The following MAPK4 variants were observed in gnomAD, a reference collection of about 807,000 sequenced individuals.
MAPK4 encodes Erk3-related.
A neutral mutation model predicts 47.7 loss-of-function variants in MAPK4; 22 were observed. The ratio of observed to expected loss-of-function variants is 0.46; its 90% CI spans 0.33 to 0.66. The LOEUF (loss-of-function observed/expected upper bound fraction) is 0.66. Among genes scored for constraint, MAPK4 ranks in the 30% least tolerant of loss-of-function variants. The pLI, the probability that MAPK4 is intolerant of heterozygous loss-of-function variation, is 0.02. For missense variants in MAPK4, 736 were observed against 831.7 expected (o/e 0.88, Z 1.42); for synonymous variants, 390 against 365.7 (o/e 1.07, Z -0.76).
rs780978439 is a variant in MAPK4, at chr18:50,726,191, G to A, written c.1067+16G>A. ...GCAGTTCCAGGTGCTCGCAGCCCTG[G>A]GTTCCAGAGCCCACATTTCCCTGTC... is the stretch of plus-strand genomic sequence containing the variant. On this transcript the variant is annotated intron_variant, in intron 5 of 5. Coordinates refer to ENST00000400384, the MANE Select transcript of MAPK4 (RefSeq NM_002747.4). The A allele has an allele frequency of 1.9e-6, 3 of 1,612,528 alleles. No individual in the cohort carries two copies. The African/African-American group carries it at 4.0e-5, about 21-fold the overall frequency.
At chr18:50,722,210 G>T in intron 4 of MAPK4, 111 bp downstream of exon 4, 1 of 1,233,110 alleles carries the variant, frequency 8.1e-7, no homozygotes, top group Non-Finnish European at 1.1e-6. Flanking sequence ...CATGGTCCTT[G>T]GATATAAAAG....
intron 2 of MAPK4, chr18:50,705,819 C>T (rs1406741885): frequency 6.6e-6 from 1 of 152,266 alleles, no homozygotes; most frequent in African/African-American, 2.4e-5. Context: ...CCACCCACCC[C>T]ATCACTCTCT....
At chr18:50,605,193 T>G (rs1167546458) in intron 1 of MAPK4, among the ~76,000 whole-genome samples, 1 of 152,194 alleles carries the variant, frequency 6.6e-6, no homozygotes, top group African/African-American at 2.4e-5. Flanking sequence ...CACAACTAAG[T>G]ACAGAGGAGA....
At chr18:50,618,278 G>A (rs1370752586) in intron 1 of MAPK4, among the ~76,000 whole-genome samples, 1 of 152,132 alleles carries the variant, frequency 6.6e-6, no homozygotes, top group East Asian at 1.9e-4. Context: ...CCCTGGTATT[G>A]TTGAAAGCGT....
rs190632688 is a variant in MAPK4, at chr18:50,650,916, C to A, written c.-870-12173C>A. 3.3e-5 allele frequency among the ~76,000 whole-genome samples: 5 copies of A among 152,334 alleles called. No homozygotes were observed. In the East Asian group the frequency reaches 9.6e-4, roughly 29 times the overall value. On this transcript the variant is annotated intron_variant, in intron 1 of 5. Transcript: ENST00000400384. Reference sequence around the variant, plus strand: ...TTGCTGGCTGGATCAGGTTCCCCTTCCTCACCTGACGTAGGATGCCCTGTA... The same window carrying A: ...TTGCTGGCTGGATCAGGTTCCCCTTACTCACCTGACGTAGGATGCCCTGTA...
intron 1 of MAPK4, among the ~76,000 whole-genome samples, chr18:50,652,512 CTT>C (rs1482310401): frequency 6.6e-6 from 1 of 152,026 alleles, no homozygotes; most frequent in Non-Finnish European, 1.5e-5. Flanking sequence ...TCAGATAAGA[CTT>C]GTGAAATTCT....
intron 4 of MAPK4, among the ~76,000 whole-genome samples, chr18:50,723,872 A>AAAG (rs1911059731): frequency 6.6e-6 from 1 of 151,746 alleles, no homozygotes; most frequent in East Asian, 1.9e-4. Flanking sequence ...CTCAAAAAAA[A>AAAG]AAAAAAAAGA....
At chr18:50,620,608 T>A (rs1486400654) in intron 1 of MAPK4, among the ~76,000 whole-genome samples, 2 of 152,146 alleles carry the variant, frequency 1.3e-5, no homozygotes, top group African/African-American at 2.4e-5. Context: ...CTCATTTTTT[T>A]AAAATTATAG....
chr18:50,724,212 C>T (rs1230734119), intron 4 of MAPK4, among the ~76,000 whole-genome samples: 2 of 152,190 alleles, frequency 1.3e-5, no homozygotes. Flanking sequence ...CAACCCACTA[C>T]TGGCCCACCT....
intron 1 of MAPK4, among the ~76,000 whole-genome samples, chr18:50,652,768 G>A (rs1040103372): frequency 6.6e-6 from 1 of 152,140 alleles, no homozygotes; most frequent in East Asian, 1.9e-4. Flanking sequence ...AGAGAGAAAA[G>A]TGACATAAAA....
At chr18:50,697,827 C>G (rs1049693268) in intron 2 of MAPK4, among the ~76,000 whole-genome samples, 2 of 152,120 alleles carry the variant, frequency 1.3e-5, no homozygotes, top group African/African-American at 4.8e-5. Context: ...TTTCACTGGC[C>G]CAAGTGCTCC....
chr18:50,614,229 A>G (rs947225676), intron 1 of MAPK4, among the ~76,000 whole-genome samples: 3 of 152,134 alleles, frequency 2.0e-5, no homozygotes, highest in African/African-American at 4.8e-5. Context: ...GTTGCTTTAT[A>G]TAACTAGTGT....
At chr18:50,613,213 G>A (rs115891906) in intron 1 of MAPK4, among the ~76,000 whole-genome samples, 1,823 of 152,294 alleles carry the variant, frequency 0.012, 36 homozygotes, top group African/African-American at 0.04. Flanking sequence ...CTATGATCAT[G>A]TTATGTTATA....
chr18:50,706,800 C>T (rs886730626), intron 2 of MAPK4, among the ~76,000 whole-genome samples: 2 of 152,156 alleles, frequency 1.3e-5, no homozygotes, highest in Non-Finnish European at 2.9e-5. Flanking sequence ...AATCATCCCT[C>T]CACCCACCTC....
chr18:50,711,645 G>A (rs933899973), intron 2 of MAPK4, among the ~76,000 whole-genome samples: 8 of 152,206 alleles, frequency 5.3e-5, no homozygotes, highest in Middle Eastern at 3.2e-3. Flanking sequence ...GCCCTGCCTG[G>A]GGAGACCAGG....
chr18:50,572,912 C>T (rs1483757228), intron 1 of MAPK4, among the ~76,000 whole-genome samples: 1 of 152,052 alleles, frequency 6.6e-6, no homozygotes, highest in Admixed American at 6.6e-5. Flanking sequence ...AACTATATTG[C>T]CTTAAACTTA....
chr18:50,707,272 GAA>G (rs1910106852), intron 2 of MAPK4, among the ~76,000 whole-genome samples: 1 of 152,116 alleles, frequency 6.6e-6, no homozygotes, highest in Admixed American at 6.5e-5. Flanking sequence ...TTTGCAAGAT[GAA>G]AAGAGTTCTT....
At chr18:50,603,325 T>G (rs1037353834) in intron 1 of MAPK4, among the ~76,000 whole-genome samples, 2 of 152,210 alleles carry the variant, frequency 1.3e-5, no homozygotes, top group African/African-American at 4.8e-5. Context: ...AGTGGCTGCA[T>G]TAGGGACCTA....
intron 1 of MAPK4, among the ~76,000 whole-genome samples, chr18:50,634,527 T>G (rs1242123552): frequency 6.6e-6 from 1 of 152,172 alleles, no homozygotes; most frequent in Admixed American, 6.5e-5. Flanking sequence ...ACATCCTGCC[T>G]TCTGTCATAT....
Sources: allele counts gnomAD v4.1 joint callset (sites outside exome capture counted in the v4.1 genomes callset), GRCh38; gene constraint gnomAD v4.1.1; transcripts MANE v1.5; gene names NCBI Gene and HGNC (gene_info 2026-07-23, HGNC 2026-07-21).